The following FRMD4A variants were observed in gnomAD, a reference collection of about 807,000 sequenced individuals.
FRMD4A encodes the protein FERM domain-containing protein 4A.
In FRMD4A, 29 loss-of-function variants were observed where a neutral mutation model predicts 129.1. The observed-to-expected ratio is 0.22, with a 90% CI of 0.17 to 0.31. FRMD4A has a LOEUF of 0.31. Ranked by LOEUF, FRMD4A falls within the 10% of genes least tolerant of loss-of-function variation. FRMD4A has a pLI of 1.00. For missense variants in FRMD4A, 1,272 were observed against 1,375.8 expected (o/e 0.92, Z 1.19); for synonymous variants, 634 against 571.6 (o/e 1.11, Z -1.56).
chr10:13,696,350 T>A (rs1214392978), intron 14 of FRMD4A, among the ~76,000 whole-genome samples: 1 of 152,288 alleles, frequency 6.6e-6, no homozygotes, highest in East Asian at 1.9e-4. Context: ...CAGGTTTTAA[T>A]AAAAAGTAGC....
intron 2 of FRMD4A, among the ~76,000 whole-genome samples, chr10:14,129,165 A>G (rs1839092246): frequency 6.6e-6 from 1 of 151,694 alleles, no homozygotes; most frequent in South Asian, 2.1e-4. Context: ...TTCCATCTCA[A>G]TAGCCTCTAA....
chr10:14,185,543 A>G (rs924624876), intron 2 of FRMD4A, among the ~76,000 whole-genome samples: 2 of 152,232 alleles, frequency 1.3e-5, no homozygotes, highest in Admixed American at 1.3e-4. Flanking sequence ...GGAAACTTGA[A>G]ACATAAAGCA....
At chr10:14,112,233 T>C (rs1364252197) in intron 2 of FRMD4A, among the ~76,000 whole-genome samples, 2 of 152,190 alleles carry the variant, frequency 1.3e-5, no homozygotes, top group African/African-American at 4.8e-5. Flanking sequence ...AGCAGTCAAG[T>C]CCATGTTTGA....
chr10:14,267,838 T>C (rs571706013), intron 2 of FRMD4A, among the ~76,000 whole-genome samples: 5 of 152,322 alleles, frequency 3.3e-5, no homozygotes, highest in African/African-American at 9.6e-5. Context: ...CTAATCTAGA[T>C]ACCTAATCAC....
At chr10:13,688,860 G>T (rs1227905193) in intron 15 of FRMD4A, among the ~76,000 whole-genome samples, 1 of 151,916 alleles carries the variant, frequency 6.6e-6, no homozygotes, top group African/African-American at 2.4e-5. Context: ...TGGGATTATG[G>T]GTGTGTAATT....
At chr10:14,267,578 A>G (rs924927654) in intron 2 of FRMD4A, among the ~76,000 whole-genome samples, 3 of 152,208 alleles carry the variant, frequency 2.0e-5, no homozygotes, top group Admixed American at 1.3e-4. Context: ...AGAATGGACT[A>G]TACTCTTCAT....
chr10:14,127,633 C>T (rs1166447790), intron 2 of FRMD4A, among the ~76,000 whole-genome samples: 1 of 152,210 alleles, frequency 6.6e-6, no homozygotes, highest in Non-Finnish European at 1.5e-5. Flanking sequence ...TAAGACCCTT[C>T]ACTGTGGGAA....
chr10:14,224,996 A>C (rs894527421), intron 2 of FRMD4A, among the ~76,000 whole-genome samples: 1 of 152,196 alleles, frequency 6.6e-6, no homozygotes, highest in Non-Finnish European at 1.5e-5. Context: ...CATGATGTAC[A>C]ACATCTGAAC....
intron 2 of FRMD4A, among the ~76,000 whole-genome samples, chr10:14,127,137 G>A (rs1309374973): frequency 6.6e-6 from 1 of 152,212 alleles, no homozygotes; most frequent in Admixed American, 6.5e-5. Context: ...AGGGAGGCAG[G>A]AAAGTCTGCC....
intron 24 of FRMD4A, chr10:13,647,767 T>C (rs1326655047): frequency 2.7e-5 from 4 of 149,554 alleles, no homozygotes; most frequent in Non-Finnish European, 4.4e-5. Flanking sequence ...TAGGGAGGTA[T>C]CACCATTTAG....
intron 2 of FRMD4A, among the ~76,000 whole-genome samples, chr10:14,094,692 G>A (rs1836849837): frequency 6.6e-6 from 1 of 152,218 alleles, no homozygotes; most frequent in Admixed American, 6.5e-5. Context: ...CAGTTGGCAA[G>A]AGTGATCTTT....
intron 2 of FRMD4A, among the ~76,000 whole-genome samples, chr10:14,122,839 T>C (rs1277075055): frequency 6.6e-6 from 1 of 152,174 alleles, no homozygotes; most frequent in African/African-American, 2.4e-5. Context: ...TCAATACATA[T>C]ACTGTATAGT....
intron 2 of FRMD4A, among the ~76,000 whole-genome samples, chr10:14,063,486 G>A (rs1165391285): frequency 1.3e-5 from 2 of 151,696 alleles, no homozygotes; most frequent in African/African-American, 4.8e-5. Context: ...GAGAGTTCAA[G>A]GAACATAGCC....
intron 2 of FRMD4A, among the ~76,000 whole-genome samples, chr10:14,302,325 G>C (rs1337919626): frequency 1.3e-5 from 2 of 152,148 alleles, no homozygotes; most frequent in Non-Finnish European, 2.9e-5. Flanking sequence ...AGCCAAGCTG[G>C]ACTCAGCAAA....
intron 12 of FRMD4A, among the ~76,000 whole-genome samples, chr10:13,716,595 G>A (rs952726987): frequency 3.2e-4 from 48 of 152,160 alleles, no homozygotes; most frequent in African/African-American, 1.1e-3. Flanking sequence ...CAGACAACGC[G>A]AGCTCTAAAT....
At chr10:13,983,037 T>A (rs1588669386) in intron 2 of FRMD4A, among the ~76,000 whole-genome samples, 1 of 152,070 alleles carries the variant, frequency 6.6e-6, no homozygotes, top group Non-Finnish European at 1.5e-5. Context: ...TCACTGCAAC[T>A]TCTGCCTCCT....
intron 12 of FRMD4A, among the ~76,000 whole-genome samples, chr10:13,722,720 G>A (rs1564690618): frequency 6.6e-6 from 1 of 152,258 alleles, no homozygotes; most frequent in Non-Finnish European, 1.5e-5. Context: ...AGAGGGCCAT[G>A]AGCAGACCAT....
chr10:14,048,982 G>A (rs865965096), intron 2 of FRMD4A, among the ~76,000 whole-genome samples: 1 of 152,190 alleles, frequency 6.6e-6, no homozygotes, highest in African/African-American at 2.4e-5. Flanking sequence ...GAAAACCCAC[G>A]TGTAGCACAA....
At position 14,127,681 on chromosome 10, in the gene FRMD4A, C is replaced by T. The variant is rs147269274; in HGVS notation, c.45+202377G>A. Among the ~76,000 whole-genome samples the T allele has an allele frequency of 2.4e-3, 358 of 152,276 alleles. 1 individual carries two copies. Among genetic ancestry groups the T allele is most frequent in the African/African-American group, 7.1e-3 (296 of 41,552 alleles). On this transcript the variant is annotated intron_variant, in intron 2 of 24. Transcript: ENST00000357447. ...TTGCCTTTTCACTCACAGCTCTGTTCCTGACTATATCCCCACTGAACCACT... is the reference window on the plus strand; with the variant it reads ...TTGCCTTTTCACTCACAGCTCTGTTTCTGACTATATCCCCACTGAACCACT...
Sources: allele counts gnomAD v4.1 joint callset (sites outside exome capture counted in the v4.1 genomes callset), GRCh38; gene constraint gnomAD v4.1.1; transcripts MANE v1.5; gene names NCBI Gene and HGNC (gene_info 2026-07-23, HGNC 2026-07-21).